LMBR1: variants seen among roughly 807,000 people sequenced by gnomAD.
The protein encoded by LMBR1 is limb region 1 protein homolog.
LMBR1 carries 52 observed loss-of-function variants against 73.9 expected under a neutral mutation model. The ratio of observed to expected loss-of-function variants is 0.70; its 90% CI spans 0.56 to 0.89. The LOEUF (loss-of-function observed/expected upper bound fraction) is 0.89. Among genes scored for constraint, LMBR1 ranks in the 40% least tolerant of loss-of-function variants. The pLI is 0.00. For synonymous variants in LMBR1, 215 were observed against 209.4 expected (o/e 1.03, Z -0.23); for missense variants, 539 against 579.8 (o/e 0.93, Z 0.72).
At chr7:156,828,768 C>T (rs916368653) in intron 3 of LMBR1, among the ~76,000 whole-genome samples, 3 of 152,338 alleles carry the variant, frequency 2.0e-5, no homozygotes, top group African/African-American at 4.8e-5. Flanking sequence ...TCTCTCATCT[C>T]CTGTTCTTAA....
chr7:156,862,986 G>A (rs73167926), intron 1 of LMBR1, among the ~76,000 whole-genome samples: 15,193 of 151,996 alleles, frequency 0.1, 864 homozygotes, highest in African/African-American at 0.13. Flanking sequence ...CCATAATCAC[G>A]GAGCCAATCA....
At chr7:156,720,416 A>C (rs1317878091) in intron 15 of LMBR1, among the ~76,000 whole-genome samples, 1 of 152,230 alleles carries the variant, frequency 6.6e-6, no homozygotes, top group African/African-American at 2.4e-5. Context: ...TTTCTCAGAC[A>C]GGGCTGTTTG....
intron 9 of LMBR1, chr7:156,736,552 G>GCTTTCC (rs1360467908): frequency 4.4e-6 from 2 of 456,800 alleles, no homozygotes; most frequent in Non-Finnish European, 8.8e-6. Context: ...TAGCTGTCCA[G>GCTTTCC]CTTGTTCTTC....
At chr7:156,891,651 T>C (rs1803018052) in intron 1 of LMBR1, among the ~76,000 whole-genome samples, 1 of 152,200 alleles carries the variant, frequency 6.6e-6, no homozygotes, top group Non-Finnish European at 1.5e-5. Context: ...GGGGATTCAC[T>C]ATGTTGCCCA....
intron 4 of LMBR1, among the ~76,000 whole-genome samples, chr7:156,820,878 C>G (rs1834679986): frequency 6.6e-6 from 1 of 152,194 alleles, no homozygotes; most frequent in South Asian, 2.1e-4. Context: ...CCAAGGGTGT[C>G]TGAAAGGGCA....
intron 5 of LMBR1, among the ~76,000 whole-genome samples, chr7:156,776,059 T>C (rs1333537994): frequency 6.7e-6 from 1 of 148,714 alleles, no homozygotes; most frequent in Non-Finnish European, 1.5e-5. Flanking sequence ...ATGAGTTATA[T>C]ATATTATATA....
intron 1 of LMBR1, among the ~76,000 whole-genome samples, chr7:156,860,379 C>G (rs1335373487): frequency 1.3e-5 from 2 of 152,090 alleles, no homozygotes; most frequent in African/African-American, 4.8e-5. Context: ...ACAAGAACAG[C>G]ACGGGAAAGA....
At chr7:156,782,442 C>A (rs532963174) in intron 5 of LMBR1, among the ~76,000 whole-genome samples, 1 of 152,292 alleles carries the variant, frequency 6.6e-6, no homozygotes, top group South Asian at 2.1e-4. Flanking sequence ...CAACAATGCA[C>A]AATATTCCCA....
intron 4 of LMBR1, among the ~76,000 whole-genome samples, chr7:156,806,707 GT>G (rs1373141592): frequency 1.4e-5 from 2 of 144,602 alleles, no homozygotes; most frequent in Non-Finnish European, 3.0e-5. Context: ...CACCTCCCAG[GT>G]TCAAGCAATT....
chr7:156,743,571 T>C (rs1334905768), intron 9 of LMBR1, among the ~76,000 whole-genome samples: 1 of 152,216 alleles, frequency 6.6e-6, no homozygotes, highest in Non-Finnish European at 1.5e-5. Context: ...ACTGCCATCC[T>C]CAAGTTGACA....
At chr7:156,831,491 G>C (rs1276502162) in intron 3 of LMBR1, among the ~76,000 whole-genome samples, 1 of 151,840 alleles carries the variant, frequency 6.6e-6, no homozygotes, top group Non-Finnish European at 1.5e-5. Context: ...GATCAATAAG[G>C]GCAGGGAAGA....
At position 156,743,091 on chromosome 7, in the gene LMBR1, C is replaced by T. The variant is rs186310258; in HGVS notation, c.758-8834G>A. On this transcript the variant is annotated intron_variant, in intron 9 of 16. Transcript: ENST00000353442. Reference sequence around the variant, plus strand: ...TAGAAAATTGGTACCTTGGATGGAGCGAAAAGATGTGGCAATCAAACCATT... The same window carrying T: ...TAGAAAATTGGTACCTTGGATGGAGTGAAAAGATGTGGCAATCAAACCATT... 2.9e-3 allele frequency among the ~76,000 whole-genome samples: 439 copies of T among 152,080 alleles called. 3 individuals carry two copies. The highest frequency in any genetic ancestry group is 3.4e-3 in the Non-Finnish European group (230 of 67,946).
chr7:156,892,859 C>G (rs1220307131), intron 1 of LMBR1, 69 bp downstream of exon 1: 1 of 1,242,710 alleles, frequency 8.0e-7, no homozygotes, highest in Non-Finnish European at 1.0e-6. Context: ...GGACCGGGGG[C>G]CCGGGGGCGG....
At chr7:156,780,140 G>C (rs1228380611) in intron 5 of LMBR1, among the ~76,000 whole-genome samples, 2 of 152,126 alleles carry the variant, frequency 1.3e-5, no homozygotes, top group African/African-American at 4.8e-5. Context: ...CTTTGTTAAG[G>C]TCTATAGTAA....
chr7:156,837,206 G>T (rs1284052232), intron 1 of LMBR1, among the ~76,000 whole-genome samples: 1 of 151,554 alleles, frequency 6.6e-6, no homozygotes, highest in Non-Finnish European at 1.5e-5. Flanking sequence ...TGGTGGCGGT[G>T]CACCTGCAAT....
intron 12 of LMBR1, among the ~76,000 whole-genome samples, chr7:156,727,595 C>T (rs1406198765): frequency 6.6e-6 from 1 of 151,992 alleles, no homozygotes; most frequent in African/African-American, 2.4e-5. Context: ...GGCACAAGGT[C>T]CTGGAAAGAC....
chr7:156,690,443 G>A (rs1345364011), intron 15 of LMBR1, among the ~76,000 whole-genome samples: 3 of 152,150 alleles, frequency 2.0e-5, no homozygotes, highest in Admixed American at 1.3e-4. Context: ...TGTGTCCTAC[G>A]TTGTGACAGC....
chr7:156,706,714 C>A (rs59889857), intron 15 of LMBR1, among the ~76,000 whole-genome samples: 1 of 151,512 alleles, frequency 6.6e-6, no homozygotes, highest in African/African-American at 2.4e-5. Flanking sequence ...CTGAAACTTG[C>A]GAGATACAGC....
intron 14 of LMBR1, among the ~76,000 whole-genome samples, 184 bp from the exon 15 acceptor site, chr7:156,724,362 T>C (rs887726001): frequency 6.6e-6 from 1 of 152,186 alleles, no homozygotes; most frequent in Admixed American, 6.5e-5. Flanking sequence ...TAAAGTTATA[T>C]CTGTAAGTTC....
Sources: allele counts gnomAD v4.1 joint callset (sites outside exome capture counted in the v4.1 genomes callset), GRCh38; gene constraint gnomAD v4.1.1; transcripts MANE v1.5; gene names NCBI Gene and HGNC (gene_info 2026-07-23, HGNC 2026-07-21).